POGLUT1: variants seen among roughly 807,000 people sequenced by gnomAD.
POGLUT1 encodes the protein 9630046K23Rik.
A neutral mutation model predicts 61.3 loss-of-function variants in POGLUT1; 32 were observed. The observed-to-expected ratio is 0.52, with a 90% CI of 0.39 to 0.70. The LOEUF is 0.70. Among genes scored for constraint, POGLUT1 ranks in the 30% least tolerant of loss-of-function variants. The pLI is 0.00. For synonymous variants in POGLUT1, 158 were observed against 158.2 expected, an observed-to-expected ratio of 1.00 and a Z score of 0.01; for missense variants, 411 against 469.8, an observed-to-expected ratio of 0.87 and a Z score of 1.16.
At chr3:119,473,723 T>G (rs1284220753) in intron 3 of POGLUT1, among the ~76,000 whole-genome samples, 1 of 151,036 alleles carries the variant, frequency 6.6e-6, no homozygotes, top group Non-Finnish European at 1.5e-5. Context: ...TGCAGTGGTG[T>G]GATCTCGGCT....
intron 3 of POGLUT1, among the ~76,000 whole-genome samples, chr3:119,472,417 T>C (rs1223766571): frequency 6.6e-6 from 1 of 152,208 alleles, no homozygotes; most frequent in East Asian, 1.9e-4. Context: ...ATATTTATTC[T>C]TATAAGTATA....
At chr3:119,488,327 C>T (rs2081696418) in intron 7 of POGLUT1, 1 of 152,150 alleles carries the variant, frequency 6.6e-6, no homozygotes, top group South Asian at 2.1e-4. Flanking sequence ...CTCAGATGTC[C>T]CCAGGGGCCA....
At chr3:119,491,406 C>A in intron 9 of POGLUT1, 112 bp from the exon 10 acceptor site, 1 of 469,348 alleles carries the variant, frequency 2.1e-6, no homozygotes. Flanking sequence ...AGGAAATAAT[C>A]CACCATCCAC....
At chr3:119,490,360 G>A (rs2081727397) in intron 8 of POGLUT1, 191 bp from the exon 9 acceptor site, 4 of 591,360 alleles carry the variant, frequency 6.8e-6, no homozygotes, top group Non-Finnish European at 6.1e-6. Flanking sequence ...ACAACCTGTA[G>A]TCCTAGCCCT....
At chr3:119,472,543 C>A (rs1404358187) in intron 3 of POGLUT1, among the ~76,000 whole-genome samples, 1 of 151,958 alleles carries the variant, frequency 6.6e-6, no homozygotes, top group Non-Finnish European at 1.5e-5. Context: ...ATGGAGAAAC[C>A]CTGTCTTTAC....
intron 3 of POGLUT1, 139 bp from the exon 4 acceptor site, chr3:119,477,174 C>T: frequency 1.3e-6 from 1 of 798,460 alleles, no homozygotes; most frequent in Non-Finnish European, 2.1e-6. Context: ...GCATTGTTTT[C>T]AGGAGACTTT....
chr3:119,471,617 T>A (rs112803855), intron 3 of POGLUT1, 165 bp downstream of exon 3: 171 of 647,672 alleles, frequency 2.6e-4, no homozygotes, highest in African/African-American at 1.9e-3. Context: ...GAATTTTTCT[T>A]GCGAGCTCCT....
chr3:119,487,415 C>T (rs1577086411), intron 7 of POGLUT1, among the ~76,000 whole-genome samples: 1 of 152,044 alleles, frequency 6.6e-6, no homozygotes, highest in East Asian at 1.9e-4. Flanking sequence ...GGTGAAACCC[C>T]GTCTCTACTA....
chr3:119,469,162 C>G, intron 1 of POGLUT1, 56 bp downstream of exon 1: 1 of 1,363,166 alleles, frequency 7.3e-7, no homozygotes, highest in Non-Finnish European at 1.0e-6. Context: ...GGCCGGAGTC[C>G]CGAGGCGCTC....
At chr3:119,477,155 C>A (rs998097504) in intron 3 of POGLUT1, among the ~76,000 whole-genome samples, 158 bp from the exon 4 acceptor site, 1 of 152,104 alleles carries the variant, frequency 6.6e-6, no homozygotes, top group South Asian at 2.1e-4. Flanking sequence ...CAGAATAGCC[C>A]CTTTAGAAGC....
chr3:119,486,993 C>A, intron 7 of POGLUT1, 61 bp downstream of exon 7: 2 of 1,064,644 alleles, frequency 1.9e-6, no homozygotes, highest in Non-Finnish European at 2.9e-6. Context: ...AAGAACATTG[C>A]CACCTGGGTA....
At chr3:119,475,953 TCC>T (rs1491376456) in intron 3 of POGLUT1, among the ~76,000 whole-genome samples, 4 of 113,786 alleles carry the variant, frequency 3.5e-5, no homozygotes, top group South Asian at 2.8e-4. Context: ...AGACTGTCTC[TCC>T]ACACACACAC....
At chr3:119,489,538 CACGCAGAGTAGGA>C (rs2081714172) in intron 8 of POGLUT1, 1 of 152,918 alleles carries the variant, frequency 6.5e-6, no homozygotes, top group South Asian at 2.1e-4. Context: ...GTGCTAATGA[CACGCAGAGTAGGA>C]GCTATATGGT....
At chr3:119,486,236 G>T (rs954426538) in intron 6 of POGLUT1, among the ~76,000 whole-genome samples, 1 of 152,146 alleles carries the variant, frequency 6.6e-6, no homozygotes, top group Admixed American at 6.5e-5. Context: ...GAGGATATGT[G>T]CATTTTTCTG....
In POGLUT1 at chr3:119,490,834, A is replaced by AT; in HGVS notation, c.965+118dup. 3 of 859,230 alleles carry AT rather than the reference A, an allele frequency of 3.5e-6. No homozygotes were observed. The East Asian group carries it at 7.4e-5, about 21-fold the overall frequency. The allele number at this position is 859,230 out of a possible 1,614,324, so 53.2% of individuals were successfully genotyped here. A position where few individuals can be genotyped will look rare whatever the true frequency, so the allele number is the denominator to read the frequency against. On this transcript the variant is annotated intron_variant, in intron 9 of 10. Transcript: ENST00000295588. ...ACATTTAGTCCTACGATTTTTTTCC[A>AT]TTGAAAGCTTTTTTTCCTCTTGGTT... is the stretch of plus-strand genomic sequence containing the variant.
chr3:119,477,592 A>G, intron 4 of POGLUT1, 144 bp downstream of exon 4: 2 of 716,892 alleles, frequency 2.8e-6, no homozygotes, highest in Non-Finnish European at 4.6e-6. Flanking sequence ...CTCTATTAGC[A>G]TCACAGTGAT....
At chr3:119,480,805 C>T (rs1393634188) in intron 5 of POGLUT1, among the ~76,000 whole-genome samples, 4 of 148,122 alleles carry the variant, frequency 2.7e-5, no homozygotes, top group South Asian at 2.1e-4. Context: ...GTGGTGCTAT[C>T]GCGGCTCACT....
chr3:119,476,849 C>G (rs551599395), intron 3 of POGLUT1, among the ~76,000 whole-genome samples: 2 of 152,232 alleles, frequency 1.3e-5, no homozygotes, highest in South Asian at 4.1e-4. Flanking sequence ...TCTATCTGTT[C>G]TCATAAACTA....
chr3:119,491,568 C>A lies in POGLUT1; in HGVS notation c.1016C>A (p.Ala339Asp). 1 of 1,545,662 alleles carries A rather than the reference C, an allele frequency of 6.5e-7. No homozygotes were observed. The highest frequency in any genetic ancestry group is 8.9e-7 in the Non-Finnish European group (1 of 1,129,442). The change falls in exon 10 of 11, where the codon GCT becomes GAT. Residue 339 changes from alanine (A) to aspartate (D), a missense_variant. Transcript: ENST00000295588. ...KANDDVAQEIAERGSQFIRNH... is the reference protein window; with the variant it reads ...KANDDVAQEIDERGSQFIRNH... ...AATGATGATGTAGCTCAAGAGATTG[C>A]TGAAAGGTGAGTTCTGTTCATTTTC... is the stretch of plus-strand genomic sequence containing the variant.
Sources: gnomAD v4.1 joint callset for allele counts (sites outside exome capture counted in the v4.1 genomes callset) on GRCh38, gnomAD v4.1.1 for gene constraint, MANE v1.5 for transcripts, NCBI Gene and HGNC (gene_info 2026-07-23, HGNC 2026-07-21) for gene names.